The following SNAP25 variants were observed in gnomAD, a reference collection of about 807,000 sequenced individuals.
The protein encoded by SNAP25 is synaptosome associated protein 25.
In SNAP25, 3 loss-of-function variants were observed where a neutral mutation model predicts 28.7. That is an observed-to-expected ratio of 0.10 (90% CI 0.05 to 0.27). SNAP25 has a LOEUF of 0.27. Ranked by LOEUF, SNAP25 falls within the 10% of genes least tolerant of loss-of-function variation. The pLI, the probability that SNAP25 is intolerant of heterozygous loss-of-function variation, is 1.00. For missense variants in SNAP25, 117 were observed against 278.7 expected, an observed-to-expected ratio of 0.42 and a Z score of 4.13; for synonymous variants, 61 against 88.1, an observed-to-expected ratio of 0.69 and a Z score of 1.72.
Position 10,274,759 on chromosome 20 carries a change from C to T in SNAP25, c.-63-670C>T, listed in dbSNP as rs6133843. Among the ~76,000 whole-genome samples the T allele has an allele frequency of 7.9e-4, 120 of 152,168 alleles. 1 individual carries two copies. Among genetic ancestry groups the T allele is most frequent in the South Asian group, 6.5e-3 (31 of 4,806 alleles). On this transcript the variant is annotated intron_variant, in intron 1 of 7. Coordinates refer to ENST00000254976, the MANE Select transcript of SNAP25 (RefSeq NM_130811.4). Reference sequence around the variant, plus strand: ...TCGGGAGGCTGAGGCAGGAGAATGGCGTGAACCCGGGAGGCAGAGCTTGCA... The same window carrying T: ...TCGGGAGGCTGAGGCAGGAGAATGGTGTGAACCCGGGAGGCAGAGCTTGCA...
Position 10,269,531 on chromosome 20 carries a change from A to G in SNAP25, c.-63-5898A>G, listed in dbSNP as rs182928221. Among the ~76,000 whole-genome samples, 5 of 152,366 alleles carry G rather than the reference A, an allele frequency of 3.3e-5. No homozygotes were observed. In the South Asian group the frequency reaches 8.3e-4, roughly 25 times the overall value. The stretch of plus-strand genomic sequence containing the variant: ...TACCATGTGTGTCTATAGGAAATGT[A>G]TAATGCTCTGGGGATATTAAGATTG... On this transcript the variant is annotated intron_variant, in intron 1 of 7. Transcript: ENST00000254976.
intron 6 of SNAP25, among the ~76,000 whole-genome samples, chr20:10,297,399 G>A (rs1354388926): frequency 2.6e-5 from 4 of 152,232 alleles, no homozygotes; most frequent in Admixed American, 1.3e-4. Context: ...TGTATTTGCC[G>A]GTTTCATTAG....
chr20:10,239,779 C>T (rs548186190), intron 1 of SNAP25, among the ~76,000 whole-genome samples: 2 of 152,238 alleles, frequency 1.3e-5, no homozygotes, highest in South Asian at 4.2e-4. Flanking sequence ...CTTGGGGCAA[C>T]GCTTCTGTGC....
At chr20:10,284,547 G>A (rs1322481285) in intron 3 of SNAP25, among the ~76,000 whole-genome samples, 177 bp from the exon 4 acceptor site, 1 of 152,028 alleles carries the variant, frequency 6.6e-6, no homozygotes, top group Non-Finnish European at 1.5e-5. Context: ...GTCCACAGCT[G>A]GCCCATTCTT....
chr20:10,233,440 T>G (rs893924067), intron 1 of SNAP25, among the ~76,000 whole-genome samples: 2 of 152,206 alleles, frequency 1.3e-5, no homozygotes, highest in Admixed American at 1.3e-4. Flanking sequence ...TCACAAATTT[T>G]CTTGGACACA....
intron 1 of SNAP25, among the ~76,000 whole-genome samples, chr20:10,229,230 C>G (rs1036799780): frequency 6.6e-6 from 1 of 152,070 alleles, no homozygotes; most frequent in African/African-American, 2.4e-5. Context: ...CTGTTGGCTT[C>G]ATTTTATATT....
At chr20:10,250,597 T>C (rs1295579458) in intron 1 of SNAP25, among the ~76,000 whole-genome samples, 1 of 152,196 alleles carries the variant, frequency 6.6e-6, no homozygotes, top group African/African-American at 2.4e-5. Context: ...TGTAAAGAAT[T>C]TTTTAAATTA....
At chr20:10,243,732 A>G (rs920511540) in intron 1 of SNAP25, among the ~76,000 whole-genome samples, 2 of 152,276 alleles carry the variant, frequency 1.3e-5, no homozygotes, top group Middle Eastern at 3.4e-3. Context: ...TACTGGTAAT[A>G]TTACGCTCCG....
At chr20:10,274,534 C>T (rs1298331113) in intron 1 of SNAP25, among the ~76,000 whole-genome samples, 2 of 152,138 alleles carry the variant, frequency 1.3e-5, no homozygotes, top group Non-Finnish European at 2.9e-5. Flanking sequence ...GAAATGCAAA[C>T]TAATGTATAG....
chr20:10,303,044 C>G (rs780444337), intron 7 of SNAP25, among the ~76,000 whole-genome samples: 12 of 152,124 alleles, frequency 7.9e-5, no homozygotes, highest in Non-Finnish European at 1.6e-4. Flanking sequence ...AGAATGTTTG[C>G]GCTCAGGAAT....
chr20:10,225,223 G>A (rs1218982150), intron 1 of SNAP25, among the ~76,000 whole-genome samples: 5 of 127,742 alleles, frequency 3.9e-5, no homozygotes, highest in African/African-American at 7.7e-5. Flanking sequence ...AAATTCACAT[G>A]TCCCGGAGGG....
chr20:10,221,668 C>G (rs767916960), intron 1 of SNAP25, among the ~76,000 whole-genome samples: 8 of 152,196 alleles, frequency 5.3e-5, no homozygotes, highest in Non-Finnish European at 8.8e-5. Flanking sequence ...TTTATTTTTA[C>G]TTTGTTAAAC....
intron 1 of SNAP25, among the ~76,000 whole-genome samples, chr20:10,266,812 A>G (rs1166514254): frequency 6.6e-6 from 1 of 152,210 alleles, no homozygotes; most frequent in South Asian, 2.1e-4. Flanking sequence ...GAACGAACTC[A>G]CTGTTGAAGA....
chr20:10,242,877 C>T (rs2063060089), intron 1 of SNAP25, among the ~76,000 whole-genome samples: 1 of 152,214 alleles, frequency 6.6e-6, no homozygotes, highest in South Asian at 2.1e-4. Flanking sequence ...TTAATCAGTA[C>T]ATTAGAATCT....
At chr20:10,303,234 C>T (rs1245574055) in intron 7 of SNAP25, among the ~76,000 whole-genome samples, 1 of 152,062 alleles carries the variant, frequency 6.6e-6, no homozygotes, top group Non-Finnish European at 1.5e-5. Context: ...GCTTAAGAAC[C>T]AAGTAAAATT....
chr20:10,265,590 A>T (rs2063492927), intron 1 of SNAP25, among the ~76,000 whole-genome samples: 1 of 152,192 alleles, frequency 6.6e-6, no homozygotes, highest in African/African-American at 2.4e-5. Context: ...TCTCATGGAA[A>T]TCAGTCATTT....
At chr20:10,263,465 C>T (rs977943899) in intron 1 of SNAP25, among the ~76,000 whole-genome samples, 6 of 152,292 alleles carry the variant, frequency 3.9e-5, no homozygotes, top group African/African-American at 1.2e-4. Flanking sequence ...TACCAGCTTC[C>T]TTCCAGGTGT....
intron 1 of SNAP25, among the ~76,000 whole-genome samples, chr20:10,242,339 G>A (rs1170116851): frequency 6.6e-6 from 1 of 152,188 alleles, no homozygotes; most frequent in Non-Finnish European, 1.5e-5. Flanking sequence ...CACTCGGAGT[G>A]CCAGGCTTTG....
At chr20:10,300,023 A>G (rs1014443961) in intron 7 of SNAP25, among the ~76,000 whole-genome samples, 8 of 152,230 alleles carry the variant, frequency 5.3e-5, no homozygotes, top group Non-Finnish European at 8.8e-5. Flanking sequence ...TGAGAATTCA[A>G]AAATATCCAG....
Sources: allele counts gnomAD v4.1 joint callset (sites outside exome capture counted in the v4.1 genomes callset), GRCh38; gene constraint gnomAD v4.1.1; transcripts MANE v1.5; gene names NCBI Gene and HGNC (gene_info 2026-07-23, HGNC 2026-07-21).